Variants in GPC6 observed in about 807,000 individuals in gnomAD.
GPC6 encodes the protein glypican 6, also known as glypican-6.
GPC6 carries 14 observed loss-of-function variants against 55.2 expected under a neutral mutation model. The ratio of observed to expected loss-of-function variants is 0.25; its 90% confidence interval spans 0.17 to 0.40. The LOEUF is 0.40. Among genes scored for constraint, GPC6 ranks in the 10% least tolerant of loss-of-function variants. GPC6 has a pLI of 1.00. For missense variants in GPC6, 641 were observed against 708.5 expected, an observed-to-expected ratio of 0.90 and a Z score of 1.08; for synonymous variants, 278 against 259.6, an observed-to-expected ratio of 1.07 and a Z score of -0.68.
chr13:93,868,620 C>G (rs1180563027), intron 3 of GPC6, among the ~76,000 whole-genome samples: 2 of 151,800 alleles, frequency 1.3e-5, no homozygotes, highest in Admixed American at 1.3e-4. Context: ...CTCTCTTTCA[C>G]TGCCAAAAGG....
intron 2 of GPC6, among the ~76,000 whole-genome samples, chr13:93,660,991 T>C (rs540990484): frequency 6.6e-6 from 1 of 152,302 alleles, no homozygotes; most frequent in East Asian, 1.9e-4. Flanking sequence ...GCACAGTCTC[T>C]GCAGTGAGCA....
chr13:93,992,248 A>G (rs569560659), intron 3 of GPC6, among the ~76,000 whole-genome samples: 1 of 151,752 alleles, frequency 6.6e-6, no homozygotes, highest in African/African-American at 2.4e-5. Context: ...GTCCTGCTTT[A>G]TATCAACATA....
intron 3 of GPC6, among the ~76,000 whole-genome samples, chr13:93,877,320 A>G (rs891387910): frequency 6.6e-6 from 1 of 152,046 alleles, no homozygotes; most frequent in Non-Finnish European, 1.5e-5. Flanking sequence ...AGTAAAAGTC[A>G]TGTACCTAGA....
intron 2 of GPC6, among the ~76,000 whole-genome samples, chr13:93,658,218 C>G (rs546846344): frequency 6.6e-6 from 1 of 152,082 alleles, no homozygotes; most frequent in South Asian, 2.1e-4. Context: ...TTTCTCTCTG[C>G]TTCCACTTCA....
intron 1 of GPC6, among the ~76,000 whole-genome samples, chr13:93,430,884 T>C (rs1053589912): frequency 6.6e-6 from 1 of 152,146 alleles, no homozygotes; most frequent in Non-Finnish European, 1.5e-5. Context: ...AATTTTAAAC[T>C]GTTCAACAAG....
intron 1 of GPC6, among the ~76,000 whole-genome samples, chr13:93,305,118 T>G (rs547223933): frequency 7.2e-5 from 11 of 152,232 alleles, no homozygotes; most frequent in Middle Eastern, 3.4e-3. Context: ...TAACACGGCC[T>G]GCCCATCAGA....
At chr13:94,322,623 G>C (rs1372080027) in intron 6 of GPC6, among the ~76,000 whole-genome samples, 1 of 152,044 alleles carries the variant, frequency 6.6e-6, no homozygotes, top group Non-Finnish European at 1.5e-5. Flanking sequence ...ATAAAAAATA[G>C]ATTTTTAATT....
intron 7 of GPC6, among the ~76,000 whole-genome samples, chr13:94,384,406 T>C (rs1398278781): frequency 6.6e-6 from 1 of 152,208 alleles, no homozygotes; most frequent in African/African-American, 2.4e-5. Flanking sequence ...AATGCTTGGT[T>C]TTTTGAGCTT....
intron 2 of GPC6, among the ~76,000 whole-genome samples, chr13:93,597,007 CAAAAAAAAAAA>C (rs10709473): frequency 4.4e-5 from 3 of 68,052 alleles, no homozygotes; most frequent in East Asian, 5.1e-4. Context: ...TCAAATCTGG[CAAAAAAAAAAA>C]AAAAAAAAAA....
At chr13:93,994,796 G>C (rs914405154) in intron 3 of GPC6, among the ~76,000 whole-genome samples, 1 of 152,216 alleles carries the variant, frequency 6.6e-6, no homozygotes. Flanking sequence ...TATCCAGTAC[G>C]ATTTTTAAAT....
intron 4 of GPC6, among the ~76,000 whole-genome samples, chr13:94,243,868 A>G (rs1891124879): frequency 6.6e-6 from 1 of 152,144 alleles, no homozygotes; most frequent in Non-Finnish European, 1.5e-5. Flanking sequence ...TTTTAGATGT[A>G]AATGCTGTGC....
chr13:94,057,223 A>G (rs1273001096), intron 4 of GPC6, among the ~76,000 whole-genome samples: 7 of 152,200 alleles, frequency 4.6e-5, no homozygotes, highest in East Asian at 1.9e-4. Context: ...AAGAAAGTAT[A>G]TCATATTTGG....
intron 1 of GPC6, among the ~76,000 whole-genome samples, chr13:93,281,285 G>A (rs1877940881): frequency 6.6e-6 from 1 of 152,026 alleles, no homozygotes; most frequent in African/African-American, 2.4e-5. Flanking sequence ...CAATTCTGGA[G>A]GCTGGGAAGT....
chr13:93,588,302 TG>T (rs1393687550), intron 2 of GPC6, among the ~76,000 whole-genome samples: 4 of 152,080 alleles, frequency 2.6e-5, no homozygotes, highest in African/African-American at 9.7e-5. Context: ...AAATAAAATT[TG>T]AAAACAAACA....
rs74888870 is a variant in GPC6, at chr13:94,186,233, T to C, written c.878-100116T>C. Among the ~76,000 whole-genome samples, 371 of 152,258 alleles carry C rather than the reference T, an allele frequency of 2.4e-3. 1 individual carries two copies. Among genetic ancestry groups the C allele is most frequent in the African/African-American group, 8.6e-3 (359 of 41,548 alleles). ...AGCAATCTTTTAATATGAGGTCATA[T>C]TATTGGAATAGGAGTTTACCAGTTG... On this transcript the variant is annotated intron_variant, in intron 4 of 8. Transcript: ENST00000377047.
chr13:94,138,990 G>A (rs773474071), intron 4 of GPC6, among the ~76,000 whole-genome samples: 1 of 152,064 alleles, frequency 6.6e-6, no homozygotes, highest in Admixed American at 6.5e-5. Context: ...TAGGAGGGGC[G>A]CCTGTCCCAT....
At position 93,227,789 on chromosome 13, in the gene GPC6, G is replaced by C. The variant is rs2138996038; in HGVS notation, c.160+173G>C. The stretch of plus-strand genomic sequence containing the variant: ...CGGCGGATGCTCCTGCGGCTTCTTC[G>C]GCGGGGGAAGGTGTGCGTCTCCGCC... On this transcript the variant is annotated intron_variant, in intron 1 of 8. Coordinates refer to ENST00000377047, the MANE Select transcript of GPC6 (RefSeq NM_005708.5). This position sits in a 1 kb window ranked among gnomAD's most constrained non-coding sequence, Gnocchi z 4.3. Among the ~76,000 whole-genome samples, 1 of 152,262 alleles carries C rather than the reference G, an allele frequency of 6.6e-6. No homozygotes were observed. Among genetic ancestry groups the C allele is most frequent in the East Asian group, 2.0e-4 (1 of 5,114 alleles).
rs575390753 is a variant in GPC6 at position 93,497,029 on chromosome 13, G to A, written c.161-48234G>A. The stretch of plus-strand genomic sequence containing the variant: ...CAACCTGCTTTCGATGCGTTAATCC[G>A]AGGAAGGTTGCAATGGCTTGTGAGA... On this transcript the variant is annotated intron_variant, in intron 1 of 8. Transcript: ENST00000377047. Among the ~76,000 whole-genome samples, 10 of 152,274 alleles carry A rather than the reference G, an allele frequency of 6.6e-5. No individual in the cohort carries two copies. In the South Asian group the frequency reaches 1.9e-3, roughly 28 times the overall value.
intron 1 of GPC6, among the ~76,000 whole-genome samples, chr13:93,289,298 G>T (rs1034280974): frequency 6.6e-6 from 1 of 152,084 alleles, no homozygotes; most frequent in African/African-American, 2.4e-5. Flanking sequence ...CTTCACTCCA[G>T]TACTCCAATT....
Sources: gnomAD v4.1 joint callset for allele counts (sites outside exome capture counted in the v4.1 genomes callset) on GRCh38, gnomAD v4.1.1 for gene constraint, Gnocchi (gnomAD v3.1) non-coding constraint, MANE v1.5 for transcripts, NCBI Gene and HGNC (gene_info 2026-07-23, HGNC 2026-07-21) for gene names.